DTWD1: variants seen among roughly 807,000 people sequenced by gnomAD.
DTWD1 encodes tRNA-uridine aminocarboxypropyltransferase 1.
DTWD1 carries 27 observed loss-of-function variants against 30.2 expected under a neutral mutation model. The ratio of observed to expected loss-of-function variants is 0.90; its 90% CI spans 0.66 to 1.23. The LOEUF (loss-of-function observed/expected upper bound fraction) is 1.23, where lower values mean the gene tolerates loss of function less well. Among genes scored for constraint, DTWD1 ranks in the 50% most tolerant of loss-of-function variants. The pLI is 0.00. For synonymous variants in DTWD1, 99 were observed against 113.1 expected (o/e 0.88, Z 0.79); for missense variants, 342 against 348.8 (o/e 0.98, Z 0.15).
chr15:49,631,328 G>A (rs950198296), intron 2 of DTWD1, among the ~76,000 whole-genome samples: 1 of 152,138 alleles, frequency 6.6e-6, no homozygotes, highest in Non-Finnish European at 1.5e-5. Context: ...TATTTAATTT[G>A]TGCTATTGAA....
rs568511715 is a variant in DTWD1, at chr15:49,646,361, C to A, written c.*2783C>A. ...TTCTTCAAGTACCTTAGAAGATTCT[C>A]AGTCTCATGTTTCTTGGGCTCTTGA... On this transcript the variant is annotated 3_prime_UTR_variant, in exon 5 of 5. Coordinates refer to ENST00000403028, the MANE Select transcript of DTWD1 (RefSeq NM_001144955.2). The A allele has an allele frequency of 6.6e-6, 1 of 152,298 alleles. No homozygotes were observed. The highest frequency in any genetic ancestry group is 2.1e-4 in the South Asian group (1 of 4,830). 9.4% of individuals were successfully genotyped at this position (152,298 alleles called of 1,614,324 possible).
At position 49,643,325 on chromosome 15, in the gene DTWD1, T is replaced by TTTTTTGG; in HGVS notation, c.668-6_668-5insTTTTTGG. ...TTCTTTCTTTTTTTTTTTTTTTTTT[T>TTTTTTGG]GACAGGGTTGTTACAAGTTGAGTTG... On this transcript the variant is annotated splice_polypyrimidine_tract_variant and splice_region_variant and intron_variant, in intron 4 of 4. Coordinates refer to ENST00000403028, the MANE Select transcript of DTWD1 (RefSeq NM_001144955.2). 6.9e-7 allele frequency: 1 copy of TTTTTTGG among 1,456,174 alleles called. No homozygotes were observed. The allele number at this position is 1,456,174 out of a possible 1,614,324, so 90.2% of individuals were successfully genotyped here.
intron 4 of DTWD1, 69 bp from the exon 5 acceptor site, chr15:49,643,262 C>A: frequency 7.1e-7 from 1 of 1,416,610 alleles, no homozygotes; most frequent in South Asian, 1.5e-5. Flanking sequence ...TTGTACCAAG[C>A]CTGTGGTTAA....
chr15:49,637,383 C>T (rs1277064570), intron 4 of DTWD1, among the ~76,000 whole-genome samples: 1 of 152,050 alleles, frequency 6.6e-6, no homozygotes, highest in African/African-American at 2.4e-5. Flanking sequence ...TACTTTTTTT[C>T]TGTCTCAGAC....
rs12594753 is a variant in DTWD1, at chr15:49,651,602, A to G, written c.*8024A>G. 1.3e-5 allele frequency: 2 copies of G among 152,104 alleles called. No homozygotes were observed. Among genetic ancestry groups the G allele is most frequent in the African/African-American group, 4.8e-5 (2 of 41,434 alleles). 9.4% of individuals were successfully genotyped at this position (152,104 alleles called of 1,614,324 possible). A position where few individuals can be genotyped will look rare whatever the true frequency, so the allele number is the denominator to read the frequency against. Reference sequence around the variant, plus strand: ...AATACTGCACCCCTGATATAATACCATTCTTCAATATCAAGTTGGTTACAT... The same window carrying G: ...AATACTGCACCCCTGATATAATACCGTTCTTCAATATCAAGTTGGTTACAT... On this transcript the variant is annotated 3_prime_UTR_variant, in exon 5 of 5. Coordinates refer to ENST00000403028, the MANE Select transcript of DTWD1 (RefSeq NM_001144955.2).
chr15:49,643,855 G>T lies in DTWD1; in HGVS notation c.*277G>T. ...TTAATATAGTGTGTTATGTCTCTGT[G>T]ATTAGATATAACATATTCCATTAGA... On this transcript the variant is annotated 3_prime_UTR_variant, in exon 5 of 5. Coordinates refer to ENST00000403028, the MANE Select transcript of DTWD1 (RefSeq NM_001144955.2). The T allele has an allele frequency of 4.2e-6, 1 of 240,642 alleles. No homozygotes were observed. The highest frequency in any genetic ancestry group is 7.9e-6 in the Non-Finnish European group (1 of 126,382). The allele number at this position is 240,642 out of a possible 1,614,324, so 14.9% of individuals were successfully genotyped here.
Position 49,647,270 on chromosome 15 carries a change from G to T in DTWD1, c.*3692G>T, listed in dbSNP as rs1035659115. On this transcript the variant is annotated 3_prime_UTR_variant, in exon 5 of 5. Coordinates refer to ENST00000403028, the MANE Select transcript of DTWD1 (RefSeq NM_001144955.2). The stretch of plus-strand genomic sequence containing the variant: ...ACACCTTTTATTTGTTCTTTTCTTT[G>T]AGGCCATGTTAATGGCAGTCCCTTG... 6.6e-6 allele frequency: 1 copy of T among 152,074 alleles called. No individual in the cohort carries two copies. The highest frequency in any genetic ancestry group is 1.5e-5 in the Non-Finnish European group (1 of 67,990). The allele number at this position is 152,074 out of a possible 1,614,324, so 9.4% of individuals were successfully genotyped here.
intron 4 of DTWD1, among the ~76,000 whole-genome samples, chr15:49,638,807 C>T (rs894611080): frequency 3.9e-5 from 6 of 151,988 alleles, no homozygotes; most frequent in African/African-American, 1.5e-4. Flanking sequence ...CTACCAGTGT[C>T]AAAATAAAAC....
chr15:49,625,825 C>T (rs918883198), intron 2 of DTWD1, among the ~76,000 whole-genome samples: 2 of 152,112 alleles, frequency 1.3e-5, no homozygotes, highest in Non-Finnish European at 2.9e-5. Context: ...AGTGGTCTGT[C>T]CACTATAGTA....
Position 49,649,793 on chromosome 15 carries a change from GATTC to G in DTWD1, c.*6222_*6225del. 6.6e-6 allele frequency: 1 copy of G among 152,176 alleles called. No homozygotes were observed. Among genetic ancestry groups the G allele is most frequent in the East Asian group, 1.9e-4 (1 of 5,166 alleles). The allele number at this position is 152,176 out of a possible 1,614,324, so 9.4% of individuals were successfully genotyped here. A position where few individuals can be genotyped will look rare whatever the true frequency, so the allele number is the denominator to read the frequency against. ...GCAAAGGGAAGTTTCAGGGTTTCAG[GATTC>G]ATTCATCCATTCTAAAAAATTTTGA... is the stretch of plus-strand genomic sequence containing the variant. On this transcript the variant is annotated 3_prime_UTR_variant, in exon 5 of 5. Coordinates refer to ENST00000403028, the MANE Select transcript of DTWD1 (RefSeq NM_001144955.2).
rs970400088 is a variant in DTWD1, at chr15:49,655,763, TGA to T, written c.*12188_*12189del. 2 of 152,006 alleles carry T rather than the reference TGA, an allele frequency of 1.3e-5. No homozygotes were observed. The highest frequency in any genetic ancestry group is 2.9e-5 in the Non-Finnish European group (2 of 67,968). The allele number at this position is 152,006 out of a possible 1,614,324, so 9.4% of individuals were successfully genotyped here. A position where few individuals can be genotyped will look rare whatever the true frequency, so the allele number is the denominator to read the frequency against. On this transcript the variant is annotated 3_prime_UTR_variant, in exon 5 of 5. Transcript: ENST00000403028. Reference sequence around the variant, plus strand: ...CGTTCGGCTTTTCTCATCTTTTCCCTGAGATCATTTATGATGTGGAAATTACT... The same window carrying T: ...CGTTCGGCTTTTCTCATCTTTTCCCTGATCATTTATGATGTGGAAATTACT...
In DTWD1 at chr15:49,643,944, A is replaced by G. The variant is rs1368101942; in HGVS notation, c.*366A>G. Reference sequence around the variant, plus strand: ...CACCTGTACTCATGACCACCTTTAGAAGTAAATGGGGTTACAATCTGCTGG... The same window carrying G: ...CACCTGTACTCATGACCACCTTTAGGAGTAAATGGGGTTACAATCTGCTGG... On this transcript the variant is annotated 3_prime_UTR_variant, in exon 5 of 5. Transcript: ENST00000403028. 6.4e-6 allele frequency: 1 copy of G among 155,594 alleles called. No homozygotes were observed. The highest frequency in any genetic ancestry group is 2.4e-5 in the African/African-American group (1 of 41,500). 9.6% of individuals were successfully genotyped at this position (155,594 alleles called of 1,614,324 possible).
chr15:49,630,404 G>C (rs1038537040), intron 2 of DTWD1, among the ~76,000 whole-genome samples: 1 of 152,128 alleles, frequency 6.6e-6, no homozygotes, highest in East Asian at 1.9e-4. Flanking sequence ...ATTTAGCATG[G>C]GATGGGAACT....
In DTWD1 at chr15:49,647,823, A is replaced by C. The variant is rs1027283243; in HGVS notation, c.*4245A>C. The C allele has an allele frequency of 1.3e-5, 2 of 152,180 alleles. No homozygotes were observed. Among genetic ancestry groups the C allele is most frequent in the African/African-American group, 4.8e-5 (2 of 41,464 alleles). The allele number at this position is 152,180 out of a possible 1,614,324, so 9.4% of individuals were successfully genotyped here. A position where few individuals can be genotyped will look rare whatever the true frequency, so the allele number is the denominator to read the frequency against. On this transcript the variant is annotated 3_prime_UTR_variant, in exon 5 of 5. Coordinates refer to ENST00000403028, the MANE Select transcript of DTWD1 (RefSeq NM_001144955.2). ...TGGCAACAAAAAAAAAACTGTCTTCAAAATAAGAGTATATTATATTCACAA... is the reference window on the plus strand; with the variant it reads ...TGGCAACAAAAAAAAAACTGTCTTCCAAATAAGAGTATATTATATTCACAA...
At chr15:49,632,545 T>C (rs2078937207) in intron 3 of DTWD1, among the ~76,000 whole-genome samples, 1 of 152,184 alleles carries the variant, frequency 6.6e-6, no homozygotes, top group Non-Finnish European at 1.5e-5. Context: ...TTTCTTCAGG[T>C]TTTTACTCCT....
chr15:49,647,282 A>T lies in DTWD1; in HGVS notation c.*3704A>T, dbSNP rs777859479. ...TGTTCTTTTCTTTGAGGCCATGTTAATGGCAGTCCCTTGATTTGGTCTTTG... is the reference window on the plus strand; with the variant it reads ...TGTTCTTTTCTTTGAGGCCATGTTATTGGCAGTCCCTTGATTTGGTCTTTG... On this transcript the variant is annotated 3_prime_UTR_variant, in exon 5 of 5. Transcript: ENST00000403028. 6.6e-6 allele frequency: 1 copy of T among 152,194 alleles called. No individual in the cohort carries two copies. Among genetic ancestry groups the T allele is most frequent in the Admixed American group, 6.5e-5 (1 of 15,274 alleles). The allele number at this position is 152,194 out of a possible 1,614,324, so 9.4% of individuals were successfully genotyped here.
intron 1 of DTWD1, among the ~76,000 whole-genome samples, chr15:49,622,895 G>A (rs1018149323): frequency 1.3e-5 from 2 of 152,274 alleles, no homozygotes; most frequent in East Asian, 1.9e-4. Context: ...GGTATTTGTG[G>A]TGGTTGATTT....
intron 1 of DTWD1, among the ~76,000 whole-genome samples, 156 bp from the exon 2 acceptor site, chr15:49,624,957 T>C (rs2078820374): frequency 6.6e-6 from 1 of 152,252 alleles, no homozygotes; most frequent in South Asian, 2.1e-4. Context: ...CTTTTAATCT[T>C]ATGTTTTAAA....
intron 1 of DTWD1, among the ~76,000 whole-genome samples, chr15:49,624,644 G>A (rs897342816): frequency 6.6e-6 from 1 of 152,062 alleles, no homozygotes; most frequent in African/African-American, 2.4e-5. Context: ...ATATGTATAT[G>A]CACACATGTA....
Sources: gnomAD v4.1 joint callset for allele counts (sites outside exome capture counted in the v4.1 genomes callset) on GRCh38, gnomAD v4.1.1 for gene constraint, MANE v1.5 for transcripts, NCBI Gene and HGNC (gene_info 2026-07-23, HGNC 2026-07-21) for gene names.